The following RBFOX1 variants were observed in gnomAD, a reference collection of about 807,000 sequenced individuals.
The protein encoded by RBFOX1 is RNA binding fox-1 homolog 1.
Under a neutral mutation model 57.7 loss-of-function variants are expected in RBFOX1, and 8 were observed. The ratio of observed to expected loss-of-function variants is 0.14; its 90% confidence interval spans 0.08 to 0.25. The LOEUF (loss-of-function observed/expected upper bound fraction) is 0.25, where lower values mean the gene tolerates loss of function less well. RBFOX1 is among the 10% of genes least tolerant of loss of function. The pLI is 1.00. For synonymous variants in RBFOX1, 326 were observed against 222.4 expected (o/e 1.47, Z -4.15); for missense variants, 611 against 548.5 (o/e 1.11, Z -1.14).
chr16:5,989,835 C>T (rs1359118997), intron 4 of RBFOX1, among the ~76,000 whole-genome samples: 4 of 143,458 alleles, frequency 2.8e-5, no homozygotes, highest in Admixed American at 2.1e-4. Flanking sequence ...AGACTAGTAA[C>T]ACCCCCTAAC....
intron 1 of RBFOX1, among the ~76,000 whole-genome samples, chr16:6,136,208 G>T (rs142161644): frequency 1.2e-4 from 19 of 152,242 alleles, no homozygotes; most frequent in African/African-American, 4.3e-4. Flanking sequence ...AGATTCGGAG[G>T]CGATGTGTAC....
At chr16:7,165,985 A>G (rs2079433082) in intron 4 of RBFOX1, among the ~76,000 whole-genome samples, 1 of 100,948 alleles carries the variant, frequency 9.9e-6, no homozygotes, top group African/African-American at 3.4e-5. Context: ...TACACCCCAG[A>G]TTTCCTTTGA....
At chr16:7,099,490 T>G (rs2062285753) in intron 4 of RBFOX1, among the ~76,000 whole-genome samples, 1 of 152,188 alleles carries the variant, frequency 6.6e-6, no homozygotes, top group East Asian at 1.9e-4. Context: ...TTTATATTCT[T>G]CTCTTCTCCT....
intron 2 of RBFOX1, among the ~76,000 whole-genome samples, chr16:6,445,245 A>C (rs140266638): frequency 1.3e-5 from 2 of 152,048 alleles, no homozygotes; most frequent in African/African-American, 4.8e-5. Flanking sequence ...TATATATATA[A>C]TTTTTTATTA....
intron 3 of RBFOX1, among the ~76,000 whole-genome samples, chr16:7,027,806 TAAATGAG>T (rs1325124819): frequency 1.4e-5 from 2 of 146,546 alleles, no homozygotes; most frequent in Non-Finnish European, 3.0e-5. Flanking sequence ...AAGGAAGAAA[TAAATGAG>T]AAAGAAGGGA....
chr16:7,043,119 T>G (rs1195895966), intron 3 of RBFOX1, among the ~76,000 whole-genome samples: 4 of 146,410 alleles, frequency 2.7e-5, no homozygotes, highest in African/African-American at 1.0e-4. Flanking sequence ...CTTGGGGAGG[T>G]CCTCCCGCCC....
chr16:5,447,820 C>T (rs1478887866), intron 1 of RBFOX1, among the ~76,000 whole-genome samples: 1 of 152,218 alleles, frequency 6.6e-6, no homozygotes, highest in Non-Finnish European at 1.5e-5. Context: ...CTCTTCTGTG[C>T]TTGGCATGGC....
At chr16:5,350,863 C>T (rs796350626) in intron 1 of RBFOX1, among the ~76,000 whole-genome samples, 7 of 126,700 alleles carry the variant, frequency 5.5e-5, no homozygotes, top group African/African-American at 1.8e-4. Context: ...GAAACTCCAT[C>T]TCAAGAAAAT....
In RBFOX1 at chr16:6,903,515, T is replaced by G. The variant is rs1425828204; in HGVS notation, c.-15-148542T>G. On this transcript the variant is annotated intron_variant, in intron 3 of 15. Coordinates refer to ENST00000550418, the MANE Select transcript of RBFOX1 (RefSeq NM_018723.4). ...GTGCTGGTAAAATAAATACATGATG[T>G]GGGGGAAGCACTTCAATAGGATGTG... is the stretch of plus-strand genomic sequence containing the variant. Among the ~76,000 whole-genome samples the G allele has an allele frequency of 3.3e-5, 5 of 152,262 alleles. 1 individual carries two copies. The highest frequency in any genetic ancestry group is 9.6e-5 in the African/African-American group (4 of 41,554).
chr16:6,164,014 G>A (rs1385476458), intron 1 of RBFOX1, among the ~76,000 whole-genome samples: 2 of 152,146 alleles, frequency 1.3e-5, no homozygotes, highest in African/African-American at 4.8e-5. Context: ...TTACATTTTT[G>A]TGACGAGAGT....
intron 15 of RBFOX1, 100 bp from the exon 16 acceptor site, chr16:7,710,523 T>C (rs2083849660): frequency 6.4e-7 from 1 of 1,571,120 alleles, no homozygotes; most frequent in African/African-American, 1.4e-5. Flanking sequence ...TCCATTTCGG[T>C]TGGTTTTGAG....
chr16:6,480,490 G>A (rs554080755), intron 2 of RBFOX1, among the ~76,000 whole-genome samples: 10 of 152,226 alleles, frequency 6.6e-5, no homozygotes, highest in East Asian at 3.9e-4. Context: ...TACACATCAC[G>A]AAATATTATT....
intron 4 of RBFOX1, among the ~76,000 whole-genome samples, chr16:7,422,339 T>C (rs1414694130): frequency 4.6e-5 from 7 of 152,126 alleles, no homozygotes; most frequent in Non-Finnish European, 8.8e-5. Context: ...CTGTGAAATA[T>C]ATTCATTGTT....
chr16:5,473,621 G>A (rs576109895), intron 2 of RBFOX1, among the ~76,000 whole-genome samples: 2 of 144,804 alleles, frequency 1.4e-5, no homozygotes, highest in East Asian at 2.2e-4. Flanking sequence ...GTGGATGGAT[G>A]GAAGGATAGA....
chr16:6,578,538 G>T (rs1048679881), intron 2 of RBFOX1, among the ~76,000 whole-genome samples: 4 of 148,908 alleles, frequency 2.7e-5, no homozygotes, highest in African/African-American at 9.8e-5. Flanking sequence ...CAAGCATTCT[G>T]TCCTAAACTC....
At chr16:7,159,158 C>T (rs982230263) in intron 4 of RBFOX1, among the ~76,000 whole-genome samples, 1 of 152,058 alleles carries the variant, frequency 6.6e-6, no homozygotes, top group Non-Finnish European at 1.5e-5. Context: ...CTGCATACTG[C>T]CCTGGAGATT....
intron 1 of RBFOX1, among the ~76,000 whole-genome samples, chr16:6,177,431 T>C (rs1212655355): frequency 3.9e-5 from 6 of 152,112 alleles, no homozygotes; most frequent in Non-Finnish European, 8.8e-5. Context: ...GGCTTATGAT[T>C]TGTGGGGTAG....
chr16:5,866,216 A>T (rs533563841), intron 3 of RBFOX1, among the ~76,000 whole-genome samples: 1 of 152,050 alleles, frequency 6.6e-6, no homozygotes, highest in Admixed American at 6.5e-5. Flanking sequence ...TGATCCACCT[A>T]TCTCGGCCTC....
chr16:5,580,377 G>C (rs1006946602), intron 2 of RBFOX1, among the ~76,000 whole-genome samples: 1 of 152,190 alleles, frequency 6.6e-6, no homozygotes, highest in African/African-American at 2.4e-5. Flanking sequence ...GTCTCAGCCT[G>C]GCACCATTTT....
Sources: gnomAD v4.1 joint callset for allele counts (sites outside exome capture counted in the v4.1 genomes callset) on GRCh38, gnomAD v4.1.1 for gene constraint, MANE v1.5 for transcripts, NCBI Gene and HGNC (gene_info 2026-07-23, HGNC 2026-07-21) for gene names.